Variants in GRID1 observed in about 807,000 individuals in gnomAD.
The protein encoded by GRID1 is glutamate receptor ionotropic, delta-1.
In GRID1, 28 loss-of-function variants were observed where a neutral mutation model predicts 98.0. That is an observed-to-expected ratio of 0.29 (90% CI 0.21 to 0.39). GRID1 has a LOEUF of 0.39. Ranked by LOEUF, GRID1 falls within the 10% of genes least tolerant of loss-of-function variation. GRID1 has a pLI of 1.00. For synonymous variants in GRID1, 553 were observed against 538.5 expected (o/e 1.03, Z -0.37); for missense variants, 1,111 against 1,340.5 (o/e 0.83, Z 2.67).
At chr10:85,654,532 G>T (rs1216304802) in intron 12 of GRID1, among the ~76,000 whole-genome samples, 1 of 152,158 alleles carries the variant, frequency 6.6e-6, no homozygotes, top group African/African-American at 2.4e-5. Context: ...ACTGAGCTCT[G>T]TGCTCTCTTC....
At chr10:85,894,666 A>G (rs1841258898) in intron 5 of GRID1, among the ~76,000 whole-genome samples, 1 of 152,148 alleles carries the variant, frequency 6.6e-6, no homozygotes, top group South Asian at 2.1e-4. Flanking sequence ...ACAGCAGTGT[A>G]GGCATTGGAA....
chr10:86,143,956 G>C (rs550309346), intron 3 of GRID1, among the ~76,000 whole-genome samples: 10 of 152,218 alleles, frequency 6.6e-5, no homozygotes, highest in African/African-American at 2.4e-4. Context: ...GCTCTCAGGG[G>C]CCCCATCACC....
chr10:85,754,685 T>G (rs906649210), intron 8 of GRID1, among the ~76,000 whole-genome samples: 1 of 152,208 alleles, frequency 6.6e-6, no homozygotes, highest in Non-Finnish European at 1.5e-5. Flanking sequence ...TCTCATTTCC[T>G]TGACTTACAT....
chr10:85,729,123 G>A (rs7924009), intron 9 of GRID1, among the ~76,000 whole-genome samples: 49,707 of 151,940 alleles, frequency 0.33, 8,320 homozygotes, highest in African/African-American at 0.37. Context: ...TGGGTGCTAA[G>A]AGAATGTCCT....
At chr10:85,988,376 G>A (rs746431055) in intron 4 of GRID1, among the ~76,000 whole-genome samples, 1 of 152,260 alleles carries the variant, frequency 6.6e-6, no homozygotes, top group Non-Finnish European at 1.5e-5. Context: ...GATGAATTAA[G>A]TAAATATGTA....
chr10:86,262,918 A>T (rs1405984997), intron 2 of GRID1, among the ~76,000 whole-genome samples: 1 of 152,108 alleles, frequency 6.6e-6, no homozygotes, highest in Non-Finnish European at 1.5e-5. Flanking sequence ...CGGCGTTCCC[A>T]GGCCGGCATC....
intron 2 of GRID1, among the ~76,000 whole-genome samples, chr10:86,269,344 A>C (rs1847150978): frequency 6.6e-6 from 1 of 152,190 alleles, no homozygotes; most frequent in Non-Finnish European, 1.5e-5. Context: ...GCTGTATCTA[A>C]GATGACACTC....
chr10:85,941,686 T>G (rs192850482), intron 4 of GRID1, among the ~76,000 whole-genome samples: 1 of 152,362 alleles, frequency 6.6e-6, no homozygotes, highest in African/African-American at 2.4e-5. Context: ...TGTTTTTCTG[T>G]GCCTATCTAA....
chr10:85,856,638 G>A (rs1843112701), intron 6 of GRID1, among the ~76,000 whole-genome samples: 1 of 152,184 alleles, frequency 6.6e-6, no homozygotes, highest in Non-Finnish European at 1.5e-5. Context: ...TTTTGTAAAG[G>A]ACCAGCTCAT....
At chr10:85,860,947 C>T (rs117895834) in intron 6 of GRID1, among the ~76,000 whole-genome samples, 4,524 of 152,292 alleles carry the variant, frequency 0.03, 102 homozygotes, top group Non-Finnish European at 0.045. Context: ...GATGGTAATA[C>T]CCCTGTGTGC....
At position 86,161,251 on chromosome 10, in the gene GRID1, G is replaced by A. The variant is rs1021535083; in HGVS notation, c.521-22227C>T. Among the ~76,000 whole-genome samples, 7 of 152,142 alleles carry A rather than the reference G, an allele frequency of 4.6e-5. No homozygotes were observed. The East Asian group carries it at 1.2e-3, about 25-fold the overall frequency. On this transcript the variant is annotated intron_variant, in intron 3 of 15. Coordinates refer to ENST00000327946, the MANE Select transcript of GRID1 (RefSeq NM_017551.3). The stretch of plus-strand genomic sequence containing the variant: ...GCAAGGAGTGTCAGGAGGGAAATCC[G>A]GGGCCTGACATCCTAGCACATTCAG...
chr10:86,269,353 T>C (rs909604212), intron 2 of GRID1, among the ~76,000 whole-genome samples: 1 of 152,118 alleles, frequency 6.6e-6, no homozygotes, highest in Non-Finnish European at 1.5e-5. Flanking sequence ...AAGATGACAC[T>C]CACTCACACA....
chr10:85,754,592 T>G (rs1371671545), intron 8 of GRID1, among the ~76,000 whole-genome samples: 1 of 152,190 alleles, frequency 6.6e-6, no homozygotes, highest in African/African-American at 2.4e-5. Context: ...AGCTCATTAC[T>G]GATCAAAGAA....
intron 8 of GRID1, among the ~76,000 whole-genome samples, chr10:85,738,576 CA>C (rs1841909855): frequency 6.6e-6 from 1 of 152,030 alleles, no homozygotes; most frequent in African/African-American, 2.4e-5. Context: ...TCATAATAGC[CA>C]AAAAATTGAA....
intron 2 of GRID1, among the ~76,000 whole-genome samples, chr10:86,340,518 C>T (rs994022388): frequency 6.6e-6 from 1 of 152,124 alleles, no homozygotes; most frequent in Admixed American, 6.5e-5. Flanking sequence ...CAGACGTCCA[C>T]AAGGGGAATA....
rs1455318358 is a variant in GRID1 at position 86,159,044 on chromosome 10, C to T, written c.521-20020G>A. ...GAGTAGCTGGGACCACAGGCGCCCG[C>T]GACCATGCCCGGCTAATTTTTTTGT... On this transcript the variant is annotated intron_variant, in intron 3 of 15. Transcript: ENST00000327946. 3.3e-5 allele frequency among the ~76,000 whole-genome samples: 5 copies of T among 152,240 alleles called. No homozygotes were observed. In the East Asian group the frequency reaches 5.8e-4, roughly 18 times the overall value.
At chr10:85,792,336 C>T (rs2132742366) in intron 8 of GRID1, among the ~76,000 whole-genome samples, 1 of 152,316 alleles carries the variant, frequency 6.6e-6, no homozygotes, top group African/African-American at 2.4e-5. Flanking sequence ...CTGGATGATG[C>T]CACAGCACTT....
At chr10:86,261,780 T>C (rs376214877) in intron 2 of GRID1, among the ~76,000 whole-genome samples, 5 of 114,530 alleles carry the variant, frequency 4.4e-5, no homozygotes, top group East Asian at 1.9e-4. Flanking sequence ...CACACACACA[T>C]ACACATCCGG....
At chr10:85,663,538 C>T (rs902699763) in intron 12 of GRID1, among the ~76,000 whole-genome samples, 1 of 152,146 alleles carries the variant, frequency 6.6e-6, no homozygotes, top group South Asian at 2.1e-4. Flanking sequence ...GTTCACAGTA[C>T]CCCTAAGAAA....
Sources: gnomAD v4.1 joint callset for allele counts (sites outside exome capture counted in the v4.1 genomes callset) on GRCh38, gnomAD v4.1.1 for gene constraint, MANE v1.5 for transcripts, NCBI Gene and HGNC (gene_info 2026-07-23, HGNC 2026-07-21) for gene names.